NUBPL: variants seen among roughly 807,000 people sequenced by gnomAD.
The protein encoded by NUBPL is iron-sulfur cluster transfer protein NUBPL.
Under a neutral mutation model 45.7 loss-of-function variants are expected in NUBPL, and 31 were observed. That is an observed-to-expected ratio of 0.68 (90% CI 0.51 to 0.92). The LOEUF is 0.92. Among genes scored for constraint, NUBPL ranks in the 40% least tolerant of loss-of-function variants. The probability of loss-of-function intolerance (pLI) is 0.00; values close to 1 mark genes in which losing one functional copy is unlikely to be tolerated. For missense variants in NUBPL, 401 were observed against 398.7 expected (o/e 1.01, Z -0.05); for synonymous variants, 144 against 140.9 (o/e 1.02, Z -0.15).
intron 7 of NUBPL, among the ~76,000 whole-genome samples, chr14:31,795,205 G>C (rs1379308454): frequency 7.3e-5 from 11 of 151,238 alleles, no homozygotes; most frequent in Non-Finnish European, 1.5e-4. Context: ...GGATTGACTT[G>C]GCAATGCAGG....
At chr14:31,677,452 G>A (rs1255095109) in intron 6 of NUBPL, among the ~76,000 whole-genome samples, 1 of 152,000 alleles carries the variant, frequency 6.6e-6, no homozygotes, top group African/African-American at 2.4e-5. Flanking sequence ...ATCTTTCTAT[G>A]TCTGGCTTAT....
At chr14:31,782,950 A>C (rs552227411) in intron 6 of NUBPL, among the ~76,000 whole-genome samples, 1 of 152,360 alleles carries the variant, frequency 6.6e-6, no homozygotes, top group African/African-American at 2.4e-5. Context: ...TATTAAATTT[A>C]AGAAGTCAAG....
chr14:31,770,069 A>G (rs116721438), intron 6 of NUBPL, among the ~76,000 whole-genome samples: 228 of 152,204 alleles, frequency 1.5e-3, no homozygotes, highest in Middle Eastern at 0.014. Flanking sequence ...AATAGTAATT[A>G]ATATCTGAAC....
At chr14:31,571,443 C>T (rs766990610) in intron 3 of NUBPL, among the ~76,000 whole-genome samples, 57 of 151,440 alleles carry the variant, frequency 3.8e-4, no homozygotes, top group Middle Eastern at 3.5e-3. Context: ...CCCTGAATTC[C>T]TGCCAAGTGA....
intron 7 of NUBPL, among the ~76,000 whole-genome samples, chr14:31,822,402 A>G (rs2040032462): frequency 6.6e-6 from 1 of 152,080 alleles, no homozygotes; most frequent in Non-Finnish European, 1.5e-5. Context: ...TTTACTGGAG[A>G]TTATGTTGTT....
At chr14:31,571,235 G>A (rs1308552432) in intron 3 of NUBPL, among the ~76,000 whole-genome samples, 1 of 152,048 alleles carries the variant, frequency 6.6e-6, no homozygotes, top group Non-Finnish European at 1.5e-5. Flanking sequence ...TCCTGCACAA[G>A]GATGCTTGTT....
chr14:31,761,067 T>C (rs1190927846), intron 6 of NUBPL, among the ~76,000 whole-genome samples: 2 of 152,210 alleles, frequency 1.3e-5, no homozygotes, highest in Non-Finnish European at 2.9e-5. Context: ...ATTTGAAATA[T>C]TACACTTTGT....
At chr14:31,721,317 GT>G (rs1249298334) in intron 6 of NUBPL, among the ~76,000 whole-genome samples, 3 of 152,134 alleles carry the variant, frequency 2.0e-5, no homozygotes, top group Non-Finnish European at 4.4e-5. Context: ...CATTTACTGA[GT>G]GTGTGCCAGA....
intron 6 of NUBPL, among the ~76,000 whole-genome samples, chr14:31,689,309 T>TC (rs142573101): frequency 0.036 from 5,507 of 152,228 alleles, 129 homozygotes; most frequent in African/African-American, 0.076. Context: ...TGTTCCCTTT[T>TC]CCCCCCACCC....
chr14:31,860,052 C>T lies in NUBPL; in HGVS notation c.*872C>T, dbSNP rs2040688224. 1 of 152,118 alleles carries T rather than the reference C, an allele frequency of 6.6e-6. No homozygotes were observed. The highest frequency in any genetic ancestry group is 1.5e-5 in the Non-Finnish European group (1 of 68,008). 9.4% of individuals were successfully genotyped at this position (152,118 alleles called of 1,614,324 possible). ...AGGCGTGGTGGCTCACGCCTGTAATCCCAGCACTTTGGGAGGTTGAGGTGG... is the reference window on the plus strand; with the variant it reads ...AGGCGTGGTGGCTCACGCCTGTAATTCCAGCACTTTGGGAGGTTGAGGTGG... On this transcript the variant is annotated 3_prime_UTR_variant, in exon 11 of 11. Transcript: ENST00000281081.
In NUBPL at chr14:31,779,201, C is replaced by T. The variant is rs557822064; in HGVS notation, c.514-8579C>T. 1.1e-4 allele frequency among the ~76,000 whole-genome samples: 16 copies of T among 152,026 alleles called. No individual in the cohort carries two copies. In the South Asian group the frequency reaches 1.2e-3, roughly 12 times the overall value. ...TACTAACATTACAAAATTAGCTGGG[C>T]ATGGTGGTGCATGCCTGTAATCCCA... is the stretch of plus-strand genomic sequence containing the variant. On this transcript the variant is annotated intron_variant, in intron 6 of 10. Coordinates refer to ENST00000281081, the MANE Select transcript of NUBPL (RefSeq NM_025152.3).
intron 3 of NUBPL, among the ~76,000 whole-genome samples, chr14:31,588,992 T>C (rs2034071796): frequency 6.6e-6 from 1 of 152,140 alleles, no homozygotes; most frequent in South Asian, 2.1e-4. Flanking sequence ...AAAAAATTGT[T>C]ACTACTTGGC....
intron 6 of NUBPL, among the ~76,000 whole-genome samples, chr14:31,723,320 T>C (rs1380666661): frequency 1.3e-5 from 2 of 152,244 alleles, no homozygotes; most frequent in Non-Finnish European, 2.9e-5. Flanking sequence ...TTTGTACCAG[T>C]ACCATGTTGT....
At chr14:31,767,213 T>C (rs564846892) in intron 6 of NUBPL, among the ~76,000 whole-genome samples, 211 of 152,248 alleles carry the variant, frequency 1.4e-3, no homozygotes, top group South Asian at 2.5e-3. Context: ...ATTTTATGTA[T>C]TTTTTGAGAC....
chr14:31,831,642 T>G (rs1251506732), intron 8 of NUBPL, among the ~76,000 whole-genome samples: 1 of 152,118 alleles, frequency 6.6e-6, no homozygotes, highest in African/African-American at 2.4e-5. Context: ...ATCTAGGGAC[T>G]AGGGAGGGAC....
Position 31,561,464 on chromosome 14 carries a change from C to CT in NUBPL, c.30dup (p.Gly11TrpfsTer33). On this transcript the variant is annotated frameshift_variant, in exon 1 of 11. Coordinates refer to ENST00000281081, the MANE Select transcript of NUBPL (RefSeq NM_025152.3). LOFTEE classifies it high-confidence loss of function. ...CATGGGGATTTGGCAGCGTCTGCTG[C>CT]TTTTTGGTGGGGTGTCGCTCCGGGC... The CT allele has an allele frequency of 7.0e-7, 1 of 1,420,058 alleles. No homozygotes were observed. The highest frequency in any genetic ancestry group is 1.7e-5 in the South Asian group (1 of 59,290). The allele number at this position is 1,420,058 out of a possible 1,614,324, so 88.0% of individuals were successfully genotyped here.
chr14:31,562,653 T>G (rs11156688), intron 2 of NUBPL: 102,480 of 146,722 alleles, frequency 0.7, 36,680 homozygotes, highest in African/African-American at 0.86. Flanking sequence ...ACCCAGGCTG[T>G]AGTGCAGTGG....
At chr14:31,676,928 C>CT (rs922602443) in intron 6 of NUBPL, among the ~76,000 whole-genome samples, 76 of 151,736 alleles carry the variant, frequency 5.0e-4, no homozygotes, top group Non-Finnish European at 1.1e-3. Flanking sequence ...AATTTCTTAT[C>CT]TTTTTTATGC....
At chr14:31,599,405 T>C in intron 4 of NUBPL, 26 bp downstream of exon 4, 1 of 1,484,426 alleles carries the variant, frequency 6.7e-7, no homozygotes, top group South Asian at 1.1e-5. Flanking sequence ...ATAAATATTA[T>C]AATAATAGTT....
Sources: allele counts gnomAD v4.1 joint callset (sites outside exome capture counted in the v4.1 genomes callset), GRCh38; gene constraint gnomAD v4.1.1; transcripts MANE v1.5; gene names NCBI Gene and HGNC (gene_info 2026-07-23, HGNC 2026-07-21).